LARGE1: variants seen among roughly 807,000 people sequenced by gnomAD.
The protein encoded by LARGE1 is LARGE xylosyl- and glucuronyltransferase 1.
A neutral mutation model predicts 87.6 loss-of-function variants in LARGE1; 43 were observed. The ratio of observed to expected loss-of-function variants is 0.49; its 90% CI spans 0.38 to 0.63. The LOEUF (loss-of-function observed/expected upper bound fraction) is 0.63. Ranked by LOEUF, LARGE1 falls within the 30% of genes least tolerant of loss-of-function variation. The pLI, the probability that LARGE1 is intolerant of heterozygous loss-of-function variation, is 0.00. For missense variants in LARGE1, 802 were observed against 1,000.2 expected (o/e 0.80, Z 2.67); for synonymous variants, 434 against 394.6 (o/e 1.10, Z -1.18).
chr22:33,683,613 CAG>C (rs1410683069), intron 2 of LARGE1, among the ~76,000 whole-genome samples: 1 of 151,802 alleles, frequency 6.6e-6, no homozygotes, highest in Non-Finnish European at 1.5e-5. Context: ...AACTGAGGAA[CAG>C]AATGGTTAGG....
At chr22:33,229,993 T>A (rs1327598927) in intron 11 of LARGE1, among the ~76,000 whole-genome samples, 1 of 148,602 alleles carries the variant, frequency 6.7e-6, no homozygotes, top group East Asian at 2.0e-4. Flanking sequence ...TTTTCAAACA[T>A]TTTCAAAGTT....
At chr22:33,650,007 T>C (rs1024576508) in intron 3 of LARGE1, among the ~76,000 whole-genome samples, 2 of 152,132 alleles carry the variant, frequency 1.3e-5, no homozygotes, top group Non-Finnish European at 2.9e-5. Flanking sequence ...AGGTGTACCA[T>C]TCACACTATA....
the LARGE1 span, among the ~76,000 whole-genome samples, chr22:33,098,470 A>C: frequency 6.6e-6 from 1 of 151,938 alleles, no homozygotes; most frequent in Non-Finnish European, 1.5e-5. Context: ...ATACAAAAAA[A>C]ATTAGCGGGG....
At chr22:33,138,188 C>G in the LARGE1 span, among the ~76,000 whole-genome samples, 1 of 152,152 alleles carries the variant, frequency 6.6e-6, no homozygotes, top group Admixed American at 6.5e-5. Flanking sequence ...ATTGTCATGA[C>G]CTGGACGTGA....
At chr22:33,791,190 C>T (rs1236183774) in intron 1 of LARGE1, among the ~76,000 whole-genome samples, 1 of 152,160 alleles carries the variant, frequency 6.6e-6, no homozygotes, top group African/African-American at 2.4e-5. Context: ...TTGTGCTGTA[C>T]ACTGGAAAGG....
chr22:33,158,430 A>C (rs1921930643), downstream of LARGE1, among the ~76,000 whole-genome samples: 1 of 152,234 alleles, frequency 6.6e-6, no homozygotes, highest in Admixed American at 6.5e-5. Context: ...GTTAGAAACC[A>C]ACTTAGGTTG....
intron 1 of LARGE1, among the ~76,000 whole-genome samples, chr22:33,827,262 C>A (rs903101902): frequency 6.6e-6 from 1 of 151,748 alleles, no homozygotes; most frequent in Non-Finnish European, 1.5e-5. Context: ...CCCAGCTACT[C>A]GGGAGGCCAA....
chr22:33,679,327 C>G (rs2081675251), intron 2 of LARGE1, among the ~76,000 whole-genome samples: 1 of 152,172 alleles, frequency 6.6e-6, no homozygotes, highest in Admixed American at 6.5e-5. Context: ...CCCAGCACCT[C>G]AGAATGTGAC....
chr22:33,418,979 G>GTAT (rs2066600148), intron 7 of LARGE1, among the ~76,000 whole-genome samples: 1 of 152,122 alleles, frequency 6.6e-6, no homozygotes, highest in African/African-American at 2.4e-5. Flanking sequence ...GAATCCCATT[G>GTAT]TATTAGTCCA....
In LARGE1 at chr22:33,334,426, A is replaced by C. The variant is rs928967308; in HGVS notation, c.1287+3220T>G. Among the ~76,000 whole-genome samples, 5 of 151,170 alleles carry C rather than the reference A, an allele frequency of 3.3e-5. No individual in the cohort carries two copies. The East Asian group carries it at 5.8e-4, about 18-fold the overall frequency. ...CTCTGTCTCAAAAAAAAAAAAACAA[A>C]AAAAAAAAACACCAAACAAAAAGAA... is the stretch of plus-strand genomic sequence containing the variant. On this transcript the variant is annotated intron_variant, in intron 10 of 14. Transcript: ENST00000397394.
chr22:33,703,062 A>T (rs1479621651), intron 2 of LARGE1, among the ~76,000 whole-genome samples: 1 of 152,122 alleles, frequency 6.6e-6, no homozygotes, highest in Non-Finnish European at 1.5e-5. Flanking sequence ...GAAGCTGAAA[A>T]CCATCAACCT....
At chr22:33,749,458 T>C (rs1010388531) in intron 2 of LARGE1, among the ~76,000 whole-genome samples, 2 of 152,230 alleles carry the variant, frequency 1.3e-5, no homozygotes, top group African/African-American at 4.8e-5. Flanking sequence ...GCAATGATGT[T>C]GAGTAACTTG....
chr22:33,418,149 G>A (rs1044255369), intron 7 of LARGE1, among the ~76,000 whole-genome samples: 10 of 152,132 alleles, frequency 6.6e-5, no homozygotes, highest in African/African-American at 1.7e-4. Context: ...AGGTTTCACC[G>A]TGTTAGCCAG....
At chr22:33,279,957 C>T (rs960864948) in intron 13 of LARGE1, among the ~76,000 whole-genome samples, 5 of 152,214 alleles carry the variant, frequency 3.3e-5, no homozygotes, top group African/African-American at 1.2e-4. Flanking sequence ...GAACAAAATG[C>T]TTTAATTAGC....
chr22:33,605,247 C>G (rs2079220969), intron 4 of LARGE1, among the ~76,000 whole-genome samples: 1 of 152,058 alleles, frequency 6.6e-6, no homozygotes, highest in Non-Finnish European at 1.5e-5. Context: ...TACTTTAATA[C>G]TTTTGATAAT....
chr22:33,642,901 G>C (rs1237190480), intron 3 of LARGE1, among the ~76,000 whole-genome samples: 1 of 152,000 alleles, frequency 6.6e-6, no homozygotes, highest in African/African-American at 2.4e-5. Flanking sequence ...GATTCATTAA[G>C]TTCTTAGATA....
chr22:33,826,842 A>T (rs73171927), intron 1 of LARGE1, among the ~76,000 whole-genome samples: 2 of 152,028 alleles, frequency 1.3e-5, no homozygotes, highest in African/African-American at 2.4e-5. Context: ...CTCATTTTTT[A>T]AAAAAACAAT....
At chr22:33,356,058 A>AT (rs1940863941) in intron 9 of LARGE1, among the ~76,000 whole-genome samples, 1 of 152,224 alleles carries the variant, frequency 6.6e-6, no homozygotes, top group African/African-American at 2.4e-5. Flanking sequence ...CCCATTTTAA[A>AT]TAAGTCCAAT....
chr22:33,537,015 T>C (rs1294594115), intron 6 of LARGE1, among the ~76,000 whole-genome samples: 1 of 152,238 alleles, frequency 6.6e-6, no homozygotes, highest in African/African-American at 2.4e-5. Flanking sequence ...TTCACCATGC[T>C]GGTCAGGCTG....
Sources: allele counts gnomAD v4.1 joint callset (sites outside exome capture counted in the v4.1 genomes callset), GRCh38; gene constraint gnomAD v4.1.1; transcripts MANE v1.5; gene names NCBI Gene and HGNC (gene_info 2026-07-23, HGNC 2026-07-21).